Variants in DNAH9 observed in about 807,000 individuals in gnomAD.
DNAH9 encodes the protein DNAH9 variant protein.
DNAH9 carries 345 observed loss-of-function variants against 471.6 expected under a neutral mutation model. The ratio of observed to expected loss-of-function variants is 0.73; its 90% confidence interval spans 0.67 to 0.80. The LOEUF (loss-of-function observed/expected upper bound fraction) is 0.80, where lower values mean the gene tolerates loss of function less well. Among genes scored for constraint, DNAH9 ranks in the 30% least tolerant of loss-of-function variants. The pLI is 0.00. For synonymous variants in DNAH9, 2,093 were observed against 2,123.6 expected, an observed-to-expected ratio of 0.99 and a Z score of 0.40; for missense variants, 5,407 against 5,609.2, an observed-to-expected ratio of 0.96 and a Z score of 1.15.
chr17:11,790,221 T>C (rs995729787), intron 41 of DNAH9, among the ~76,000 whole-genome samples: 1 of 152,082 alleles, frequency 6.6e-6, no homozygotes, highest in Non-Finnish European at 1.5e-5. Flanking sequence ...TCCTAAAATT[T>C]CTAGATTTAT....
chr17:11,721,777 A>G lies in DNAH9; in HGVS notation c.5709+2287A>G, dbSNP rs562072046. On this transcript the variant is annotated intron_variant, in intron 27 of 68. Transcript: ENST00000262442. ...GATATATGATATCATCAGGGGAGCTAGTTAACACTCAGATAGCATAACCCT... is the reference window on the plus strand; with the variant it reads ...GATATATGATATCATCAGGGGAGCTGGTTAACACTCAGATAGCATAACCCT... Among the ~76,000 whole-genome samples the G allele has an allele frequency of 1.5e-4, 23 of 152,280 alleles. No individual in the cohort carries two copies. In the South Asian group the frequency reaches 3.3e-3, roughly 22 times the overall value.
chr17:11,948,703 CCCAGCCTGGAGG>C (rs1975241269), intron 67 of DNAH9, among the ~76,000 whole-genome samples: 1 of 152,326 alleles, frequency 6.6e-6, no homozygotes, highest in Admixed American at 6.5e-5. Flanking sequence ...CTGCTGCCAA[CCCAGCCTGGAGG>C]CCAGCCTGGA....
At chr17:11,742,029 T>A in intron 29 of DNAH9, 146 bp from the exon 30 acceptor site, 1 of 674,072 alleles carries the variant, frequency 1.5e-6, no homozygotes, top group East Asian at 2.5e-5. Flanking sequence ...AAGTCTTAGA[T>A]GAAATAATGG....
chr17:11,664,578 C>T (rs1462157818), intron 14 of DNAH9, among the ~76,000 whole-genome samples: 1 of 152,190 alleles, frequency 6.6e-6, no homozygotes, highest in Non-Finnish European at 1.5e-5. Flanking sequence ...AGCATTGCTT[C>T]TGAGAAGCTG....
chr17:11,771,791 A>C (rs2322049), intron 38 of DNAH9, among the ~76,000 whole-genome samples: 43,867 of 151,578 alleles, frequency 0.29, 10,053 homozygotes, highest in African/African-American at 0.64. Context: ...ACTACTACTA[A>C]TAATAATAAT....
At chr17:11,928,062 T>C (rs1974388019) in intron 62 of DNAH9, among the ~76,000 whole-genome samples, 1 of 152,194 alleles carries the variant, frequency 6.6e-6, no homozygotes, top group South Asian at 2.1e-4. Flanking sequence ...CTACTATCCC[T>C]TACATAGCAT....
At chr17:11,649,137 A>AT (rs1292347084) in intron 12 of DNAH9, among the ~76,000 whole-genome samples, 1 of 152,140 alleles carries the variant, frequency 6.6e-6, no homozygotes. Flanking sequence ...CAAAAAAAAA[A>AT]AAAAAGAATG....
intron 36 of DNAH9, among the ~76,000 whole-genome samples, chr17:11,766,761 A>G (rs1364289481): frequency 2.0e-5 from 3 of 152,088 alleles, no homozygotes; most frequent in Non-Finnish European, 2.9e-5. Context: ...TCCGTAGTTC[A>G]AGACCAGCCT....
intron 67 of DNAH9, among the ~76,000 whole-genome samples, chr17:11,943,472 A>T (rs1975009750): frequency 6.6e-6 from 1 of 151,934 alleles, no homozygotes; most frequent in Admixed American, 6.6e-5. Context: ...AGGTCAGGAG[A>T]TCGAGACCAC....
At chr17:11,657,682 T>A (rs1215657535) in intron 14 of DNAH9, among the ~76,000 whole-genome samples, 1 of 152,066 alleles carries the variant, frequency 6.6e-6, no homozygotes, top group African/African-American at 2.4e-5. Context: ...TTAACTTTTT[T>A]ATTCAGGAGT....
In DNAH9 at chr17:11,962,044, C is replaced by T. The variant is rs1329998075; in HGVS notation, c.13021C>T (p.Pro4341Ser). The change falls in exon 68 of 69, where the codon CCC becomes TCC. Residue 4341 changes from proline (P) to serine (S), a missense_variant. By Grantham distance (74) the Pro-to-Ser change is moderately conservative. Around this residue, in one of 3 missense-constraint regions of DNAH9, gnomAD observed 4,636 missense variants for 4,900.3 expected, o/e 0.95. Coordinates refer to ENST00000262442, the MANE Select transcript of DNAH9 (RefSeq NM_001372.4). This position sits in a 1 kb window ranked among gnomAD's most constrained non-coding sequence, Gnocchi z 4.1. ...GGCTTGGACGGGTGACTTTACAATG[C>T]CCTCCACTGTGTGGCTGACAGGCTT... ...LEAWTGDFTMPSTVWLTGFFN... is the reference protein window; with the variant it reads ...LEAWTGDFTMSSTVWLTGFFN... 1.2e-6 allele frequency: 2 copies of T among 1,614,180 alleles called. No homozygotes were observed. Among genetic ancestry groups the T allele is most frequent in the Non-Finnish European group, 1.7e-6 (2 of 1,180,032 alleles).
In DNAH9 at chr17:11,939,807, CATGG is replaced by C. The variant is rs57669174; in HGVS notation, c.12660+2321_12660+2324del. On this transcript the variant is annotated intron_variant, in intron 66 of 68. Transcript: ENST00000262442. ...AGAAGGGAGGTTGGCATGTTAGATA[CATGG>C]ATGGATGGATGGATGGATGGATGGA... 4.9e-3 allele frequency among the ~76,000 whole-genome samples: 723 copies of C among 147,292 alleles called. 6 individuals are homozygous for C. The highest frequency in any genetic ancestry group is 0.014 in the African/African-American group (562 of 39,838).
At position 11,769,197 on chromosome 17, in the gene DNAH9, G is replaced by A. The variant is rs1968097511; in HGVS notation, c.7420G>A (p.Val2474Ile). ...MERLMARQRP[V>I]MLVGTAGTGK... ...GCGGTTGATGGCGCGGCAGCGGCCT[G>A]TCATGCTGGTGGGCACGGCTGGCAC... The change falls in exon 38 of 69, where the codon GTC (valine) becomes ATC (isoleucine). Residue 2474 changes from valine to isoleucine, a missense_variant. Physicochemically the swap from Val to Ile is conservative, Grantham distance 29 (BLOSUM62 3). Transcript: ENST00000262442. 1.2e-6 allele frequency: 2 copies of A among 1,614,118 alleles called. No individual in the cohort carries two copies. Among genetic ancestry groups the A allele is most frequent in the Non-Finnish European group, 8.5e-7 (1 of 1,180,054 alleles).
intron 1 of DNAH9, among the ~76,000 whole-genome samples, chr17:11,607,416 T>C (rs1164081448): frequency 6.6e-6 from 1 of 152,118 alleles, no homozygotes; most frequent in African/African-American, 2.4e-5. Flanking sequence ...TTTGTATTAA[T>C]AGTATCAAGA....
intron 1 of DNAH9, among the ~76,000 whole-genome samples, chr17:11,603,813 G>T (rs943878310): frequency 6.6e-6 from 1 of 152,028 alleles, no homozygotes; most frequent in Non-Finnish European, 1.5e-5. Flanking sequence ...ATAAAATAAC[G>T]TGTCAATGTT....
chr17:11,697,466 T>A (rs2074496777), intron 22 of DNAH9, among the ~76,000 whole-genome samples: 1 of 152,198 alleles, frequency 6.6e-6, no homozygotes, highest in Non-Finnish European at 1.5e-5. Flanking sequence ...GAGAATAAAA[T>A]TTAAATTAAT....
At chr17:11,954,807 TTAGA>T (rs1417647805) in intron 67 of DNAH9, among the ~76,000 whole-genome samples, 1 of 150,130 alleles carries the variant, frequency 6.7e-6, no homozygotes, top group African/African-American at 2.4e-5. Flanking sequence ...AAGAAATTTC[TTAGA>T]AAGAAAGAAA....
At chr17:11,714,063 T>TG (rs1040925977) in intron 26 of DNAH9, among the ~76,000 whole-genome samples, 3 of 152,190 alleles carry the variant, frequency 2.0e-5, no homozygotes. Context: ...ATCCTAGAAT[T>TG]GGGGGCATTT....
chr17:11,901,824 C>T (rs1409385268), intron 59 of DNAH9, among the ~76,000 whole-genome samples: 7 of 152,186 alleles, frequency 4.6e-5, no homozygotes, highest in Admixed American at 1.3e-4. Flanking sequence ...CCTTCAAAGC[C>T]GTCCTAGGCC....
Sources: gnomAD v4.1 joint callset for allele counts (sites outside exome capture counted in the v4.1 genomes callset) on GRCh38, gnomAD v4.1.1 for gene constraint, gnomAD v4.1.1 regional missense constraint, Gnocchi (gnomAD v3.1) non-coding constraint, MANE v1.5 for transcripts, NCBI Gene and HGNC (gene_info 2026-07-23, HGNC 2026-07-21) for gene names.